Variants in NAALADL2 observed in about 807,000 individuals in gnomAD.
NAALADL2 encodes the protein inactive N-acetylated-alpha-linked acidic dipeptidase-like protein 2.
A neutral mutation model predicts 87.2 loss-of-function variants in NAALADL2; 76 were observed. That is an observed-to-expected ratio of 0.87 (90% CI 0.72 to 1.05). NAALADL2 has a LOEUF of 1.05. Among genes scored for constraint, NAALADL2 ranks in the 50% least tolerant of loss-of-function variants. The pLI is 0.00. For missense variants in NAALADL2, 1,089 were observed against 945.8 expected (o/e 1.15, Z -1.99); for synonymous variants, 354 against 331.0 (o/e 1.07, Z -0.75).
intron 3 of NAALADL2, among the ~76,000 whole-genome samples, chr3:174,847,182 C>A (rs995408815): frequency 6.6e-6 from 1 of 152,066 alleles, no homozygotes; most frequent in Non-Finnish European, 1.5e-5. Context: ...TTATCTCTAC[C>A]CATATTTCTT....
intron 1 of NAALADL2, among the ~76,000 whole-genome samples, chr3:175,005,772 G>A (rs1320637422): frequency 2.0e-5 from 3 of 152,084 alleles, no homozygotes; most frequent in African/African-American, 7.2e-5. Context: ...ATTAATCGGG[G>A]TGTACATACT....
chr3:175,344,360 GAA>G (rs1762914052), intron 5 of NAALADL2, among the ~76,000 whole-genome samples: 1 of 151,600 alleles, frequency 6.6e-6, no homozygotes, highest in Non-Finnish European at 1.5e-5. Context: ...CAATATGGTA[GAA>G]GTAGACTACC....
chr3:175,107,781 A>G (rs781590533), intron 2 of NAALADL2, among the ~76,000 whole-genome samples: 1 of 151,396 alleles, frequency 6.6e-6, no homozygotes, highest in Non-Finnish European at 1.5e-5. Context: ...ATGTGGTAAT[A>G]TTAAGTCTAT....
At chr3:174,630,943 A>G (rs769472928) in intron 2 of NAALADL2, among the ~76,000 whole-genome samples, 1 of 152,102 alleles carries the variant, frequency 6.6e-6, no homozygotes, top group Non-Finnish European at 1.5e-5. Context: ...CACTTTCAGA[A>G]GGGATTTTGG....
chr3:174,800,658 A>T (rs1387006309), intron 3 of NAALADL2, among the ~76,000 whole-genome samples: 2 of 151,972 alleles, frequency 1.3e-5, no homozygotes, highest in Non-Finnish European at 2.9e-5. Flanking sequence ...TGTCTTCCAG[A>T]CCCTGGAATG....
At chr3:174,822,266 A>G (rs2109335746) in intron 3 of NAALADL2, among the ~76,000 whole-genome samples, 1 of 152,250 alleles carries the variant, frequency 6.6e-6, no homozygotes, top group African/African-American at 2.4e-5. Context: ...AAGGAAGGTG[A>G]TAAACCCGAC....
At chr3:175,443,539 T>C (rs183406380) in intron 5 of NAALADL2, among the ~76,000 whole-genome samples, 4 of 152,304 alleles carry the variant, frequency 2.6e-5, no homozygotes, top group Admixed American at 2.6e-4. Context: ...AGAGTATTAG[T>C]TAGCCAGGGT....
At chr3:175,748,859 C>T (rs961775693) in intron 12 of NAALADL2, among the ~76,000 whole-genome samples, 1 of 151,834 alleles carries the variant, frequency 6.6e-6, no homozygotes, top group Non-Finnish European at 1.5e-5. Flanking sequence ...AACCCCACCA[C>T]TATAGGATGC....
chr3:175,025,871 G>A (rs1182017815), intron 1 of NAALADL2, among the ~76,000 whole-genome samples: 1 of 152,052 alleles, frequency 6.6e-6, no homozygotes, highest in African/African-American at 2.4e-5. Context: ...GTGCAGTGGC[G>A]TGATCTTAGC....
intron 1 of NAALADL2, among the ~76,000 whole-genome samples, chr3:174,509,062 C>T (rs1187319192): frequency 1.3e-5 from 2 of 151,438 alleles, no homozygotes; most frequent in South Asian, 2.1e-4. Flanking sequence ...ATTTTTCTTT[C>T]CTGAAAATAT....
intron 2 of NAALADL2, among the ~76,000 whole-genome samples, chr3:175,191,206 C>CT (rs1738144715): frequency 1.3e-5 from 2 of 152,074 alleles, no homozygotes; most frequent in Admixed American, 6.6e-5. Context: ...CCGTTTCACT[C>CT]TTTATATGTG....
At chr3:175,076,219 G>A (rs764758097) in intron 1 of NAALADL2, among the ~76,000 whole-genome samples, 6 of 151,952 alleles carry the variant, frequency 3.9e-5, no homozygotes, top group African/African-American at 1.4e-4. Flanking sequence ...CAGGTGACAG[G>A]GACTGTCTCA....
At chr3:174,748,326 ATT>A (rs139625065) in intron 3 of NAALADL2, among the ~76,000 whole-genome samples, 2 of 136,840 alleles carry the variant, frequency 1.5e-5, no homozygotes, top group Non-Finnish European at 3.2e-5. Context: ...AATAAATTAC[ATT>A]TTTTTTTTTT....
intron 3 of NAALADL2, among the ~76,000 whole-genome samples, chr3:174,765,288 T>C (rs1012843662): frequency 1.3e-5 from 2 of 152,186 alleles, no homozygotes; most frequent in Admixed American, 6.5e-5. Context: ...CAATGAGGAA[T>C]ACACATTTTT....
intron 2 of NAALADL2, among the ~76,000 whole-genome samples, chr3:174,590,617 T>G (rs575380284): frequency 1.4e-4 from 21 of 152,226 alleles, no homozygotes; most frequent in Non-Finnish European, 7.4e-5. Flanking sequence ...GAGCAGTGAG[T>G]ATAGTCCTTT....
At chr3:174,861,351 A>G (rs527304335) in intron 1 of NAALADL2, among the ~76,000 whole-genome samples, 32 of 152,146 alleles carry the variant, frequency 2.1e-4, no homozygotes, top group Middle Eastern at 6.8e-3. Context: ...TATAAAGGCA[A>G]TGGAATGCCT....
rs528008157 is a variant in NAALADL2, at chr3:175,021,210, C to A, written c.44-75580C>A. Among the ~76,000 whole-genome samples, 1,191 of 152,114 alleles carry A rather than the reference C, an allele frequency of 7.8e-3. 11 individuals are homozygous for A. Among genetic ancestry groups the A allele is most frequent in the Non-Finnish European group, 0.013 (876 of 67,962 alleles). On this transcript the variant is annotated intron_variant, in intron 1 of 13. Coordinates refer to ENST00000454872, the MANE Select transcript of NAALADL2 (RefSeq NM_207015.3). ...CTAATTGCTCTTCACCGAATATACGCAATTTGTCCATTCATTTCTTGTCCA... is the reference window on the plus strand; with the variant it reads ...CTAATTGCTCTTCACCGAATATACGAAATTTGTCCATTCATTTCTTGTCCA...
intron 2 of NAALADL2, among the ~76,000 whole-genome samples, chr3:174,641,797 C>G (rs1374395667): frequency 6.6e-6 from 1 of 152,088 alleles, no homozygotes; most frequent in East Asian, 1.9e-4. Flanking sequence ...GTTCTGTCAC[C>G]CAGGGTGGAT....
chr3:174,896,426 C>A (rs375762367), intron 1 of NAALADL2, among the ~76,000 whole-genome samples: 1 of 151,854 alleles, frequency 6.6e-6, no homozygotes, highest in Non-Finnish European at 1.5e-5. Flanking sequence ...TTTACAATAG[C>A]CACACATAAA....
Sources: allele counts gnomAD v4.1 joint callset (sites outside exome capture counted in the v4.1 genomes callset), GRCh38; gene constraint gnomAD v4.1.1; transcripts MANE v1.5; gene names NCBI Gene and HGNC (gene_info 2026-07-23, HGNC 2026-07-21).